KCNMB2: variants seen among roughly 807,000 people sequenced by gnomAD.
KCNMB2 encodes potassium calcium-activated channel subfamily M regulatory beta subunit 2, also known as calcium-activated potassium channel subunit beta-2.
In KCNMB2, 9 loss-of-function variants were observed where a neutral mutation model predicts 24.5. That is an observed-to-expected ratio of 0.37 (90% CI 0.22 to 0.64). KCNMB2 has a LOEUF of 0.64. Among genes scored for constraint, KCNMB2 ranks in the 30% least tolerant of loss-of-function variants. The probability of loss-of-function intolerance (pLI) is 0.63; values close to 1 mark genes in which losing one functional copy is unlikely to be tolerated. For synonymous variants in KCNMB2, 109 were observed against 104.4 expected (o/e 1.04, Z -0.27); for missense variants, 226 against 284.3 (o/e 0.79, Z 1.47).
chr3:178,767,558 G>A (rs1481902794), intron 1 of KCNMB2, among the ~76,000 whole-genome samples: 1 of 152,202 alleles, frequency 6.6e-6, no homozygotes, highest in Non-Finnish European at 1.5e-5. Flanking sequence ...GCGTTAGCAA[G>A]ATGTTGTTGC....
chr3:178,644,266 C>A (rs1418200329), intron 1 of KCNMB2, among the ~76,000 whole-genome samples: 1 of 152,188 alleles, frequency 6.6e-6, no homozygotes, highest in African/African-American at 2.4e-5. Context: ...GCAAAGGGCA[C>A]CAGTGTGCAA....
At chr3:178,758,393 T>C (rs1308423823) in intron 1 of KCNMB2, among the ~76,000 whole-genome samples, 1 of 27,176 alleles carries the variant, frequency 3.7e-5, no homozygotes, top group Non-Finnish European at 6.1e-5. Context: ...GATACATATA[T>C]ATATATATAT....
intron 1 of KCNMB2, among the ~76,000 whole-genome samples, chr3:178,634,937 G>A (rs1719461651): frequency 6.6e-6 from 1 of 152,128 alleles, no homozygotes; most frequent in African/African-American, 2.4e-5. Context: ...GAGGCAACAT[G>A]GGGTGCAAGG....
At chr3:178,730,398 C>A (rs1723106194) in intron 1 of KCNMB2, among the ~76,000 whole-genome samples, 1 of 107,364 alleles carries the variant, frequency 9.3e-6, no homozygotes, top group Non-Finnish European at 1.9e-5. Flanking sequence ...CACTACTGTC[C>A]CCCAACACCC....
chr3:178,542,113 A>G lies in KCNMB2; in HGVS notation c.-68+5402A>G, dbSNP rs902914991. Among the ~76,000 whole-genome samples, 55 of 152,208 alleles carry G rather than the reference A, an allele frequency of 3.6e-4. 1 individual carries two copies. Among genetic ancestry groups the G allele is most frequent in the Non-Finnish European group, 1.5e-5 (1 of 68,030 alleles). On this transcript the variant is annotated intron_variant, in intron 1 of 4. Transcript: ENST00000452583. ...TCCCTTGTCCAAGTGTGCGCTCACC[A>G]TTGATCCATCTGTAAGGGCGCATCC...
intron 1 of KCNMB2, among the ~76,000 whole-genome samples, chr3:178,793,516 G>GGGGC (rs1553778511): frequency 1.3e-5 from 2 of 151,812 alleles, no homozygotes; most frequent in East Asian, 1.9e-4. Context: ...CTTCACCCTG[G>GGGGC]GGGGGTGGGC....
chr3:178,645,833 A>G (rs1046939309), intron 1 of KCNMB2, among the ~76,000 whole-genome samples: 14 of 152,062 alleles, frequency 9.2e-5, no homozygotes, highest in African/African-American at 3.4e-4. Flanking sequence ...TCTGCGAAAC[A>G]TATGTGTCCA....
intron 1 of KCNMB2, among the ~76,000 whole-genome samples, chr3:178,699,658 C>G (rs1019567225): frequency 6.6e-6 from 1 of 152,250 alleles, no homozygotes; most frequent in African/African-American, 2.4e-5. Context: ...CCAACCCCGT[C>G]TGATGTCCAA....
intron 1 of KCNMB2, among the ~76,000 whole-genome samples, chr3:178,543,103 C>G (rs371360023): frequency 6.6e-6 from 1 of 152,110 alleles, no homozygotes; most frequent in Non-Finnish European, 1.5e-5. Context: ...GTTTAAAGGT[C>G]CCCTTTAGTT....
chr3:178,732,131 A>G (rs1269929427), intron 1 of KCNMB2, among the ~76,000 whole-genome samples: 1 of 152,216 alleles, frequency 6.6e-6, no homozygotes, highest in East Asian at 1.9e-4. Flanking sequence ...TTTAAGAAAT[A>G]TAGAAAAAAT....
At chr3:178,758,523 G>GATATATATAT (rs1333906601) in intron 1 of KCNMB2, among the ~76,000 whole-genome samples, 12 of 19,600 alleles carry the variant, frequency 6.1e-4, no homozygotes, top group Non-Finnish European at 7.6e-4. Flanking sequence ...TCCAAGAGGA[G>GATATATATAT]ATGTATATAT....
At chr3:178,747,780 C>T (rs1373121429) in intron 1 of KCNMB2, among the ~76,000 whole-genome samples, 1 of 152,132 alleles carries the variant, frequency 6.6e-6, no homozygotes, top group Non-Finnish European at 1.5e-5. Context: ...CTGATTCTAC[C>T]TCATGTTTCA....
At chr3:178,774,699 C>T (rs999936261) in intron 1 of KCNMB2, among the ~76,000 whole-genome samples, 6 of 152,340 alleles carry the variant, frequency 3.9e-5, no homozygotes, top group East Asian at 1.9e-4. Context: ...TGCCAAGAAA[C>T]ACTTCTACTT....
At chr3:178,727,574 G>A (rs960296762) in intron 1 of KCNMB2, among the ~76,000 whole-genome samples, 2 of 152,086 alleles carry the variant, frequency 1.3e-5, no homozygotes, top group Non-Finnish European at 2.9e-5. Context: ...TCTTGGCTAT[G>A]GTCAGAGAGA....
At chr3:178,745,634 A>T (rs2108382309) in intron 1 of KCNMB2, among the ~76,000 whole-genome samples, 1 of 152,332 alleles carries the variant, frequency 6.6e-6, no homozygotes, top group South Asian at 2.1e-4. Context: ...ATCTGAAAAA[A>T]GGCAAGTCCC....
intron 1 of KCNMB2, among the ~76,000 whole-genome samples, chr3:178,546,724 T>G (rs1715786611): frequency 6.6e-6 from 1 of 152,218 alleles, no homozygotes; most frequent in African/African-American, 2.4e-5. Context: ...GTCACACGAA[T>G]GAGTTTGCTC....
rs201627319 is a variant in KCNMB2 at position 178,759,434 on chromosome 3, GATAT to G, written c.-67-47888_-67-47885del. Among the ~76,000 whole-genome samples, 115 of 17,620 alleles carry G rather than the reference GATAT, an allele frequency of 6.5e-3. 18 individuals carry two copies. The highest frequency in any genetic ancestry group is 0.044 in the South Asian group (22 of 502). The allele number at this position is 17,620 out of a possible 152,430, so 11.6% of individuals were successfully genotyped here. On this transcript the variant is annotated intron_variant, in intron 1 of 4. Transcript: ENST00000452583. ...ATATATATATATATCTCTCCAAGAG[GATAT>G]ATATATATATATATATATATCTCCA...
At chr3:178,563,371 GT>G (rs1451883578) in intron 1 of KCNMB2, among the ~76,000 whole-genome samples, 19 of 152,258 alleles carry the variant, frequency 1.2e-4, no homozygotes, top group African/African-American at 4.3e-4. Context: ...TAAACGAGTT[GT>G]TTCTGTGGTG....
At chr3:178,825,853 T>C (rs1272717901) in intron 3 of KCNMB2, 95 bp downstream of exon 3, 2 of 890,102 alleles carry the variant, frequency 2.2e-6, no homozygotes, top group Non-Finnish European at 1.7e-6. Context: ...CCTCACCTTC[T>C]TTCCTGATAA....
Sources: allele counts gnomAD v4.1 joint callset (sites outside exome capture counted in the v4.1 genomes callset), GRCh38; gene constraint gnomAD v4.1.1; transcripts MANE v1.5; gene names NCBI Gene and HGNC (gene_info 2026-07-23, HGNC 2026-07-21).